The following RFX3 variants were observed in gnomAD, a reference collection of about 807,000 sequenced individuals.
RFX3 encodes the protein regulatory factor X3.
A neutral mutation model predicts 98.6 loss-of-function variants in RFX3; 14 were observed. The ratio of observed to expected loss-of-function variants is 0.14; its 90% CI spans 0.09 to 0.22. The LOEUF (loss-of-function observed/expected upper bound fraction) is 0.22, where lower values mean the gene tolerates loss of function less well. Among genes scored for constraint, RFX3 ranks in the 10% least tolerant of loss-of-function variants. The pLI, the probability that RFX3 is intolerant of heterozygous loss-of-function variation, is 1.00. For synonymous variants in RFX3, 383 were observed against 328.4 expected (o/e 1.17, Z -1.80); for missense variants, 639 against 926.9 (o/e 0.69, Z 4.03).
chr9:3,333,845 A>G (rs1239355464), intron 3 of RFX3, among the ~76,000 whole-genome samples: 4 of 152,182 alleles, frequency 2.6e-5, no homozygotes, highest in Admixed American at 2.6e-4. Context: ...ACATAATAAT[A>G]GCTAAATATA....
chr9:3,366,713 TC>T (rs1837208776), intron 2 of RFX3, among the ~76,000 whole-genome samples: 3 of 138,978 alleles, frequency 2.2e-5, no homozygotes, highest in Admixed American at 1.4e-4. Context: ...TTTCTTTCTT[TC>T]TTTCTTTCTT....
In RFX3 at chr9:3,223,510, G is replaced by C. The variant is rs1472287046; in HGVS notation, c.*1532C>G. ...AATAAGAATGGTCTAAAACATATAT[G>C]ATTTTATGTTAACAAGTTGGTATTA... is the stretch of plus-strand genomic sequence containing the variant. On this transcript the variant is annotated 3_prime_UTR_variant, in exon 17 of 17. Coordinates refer to ENST00000617270, the MANE Select transcript of RFX3 (RefSeq NM_001282116.2). 6.6e-6 allele frequency: 1 copy of C among 152,166 alleles called. No homozygotes were observed. Among genetic ancestry groups the C allele is most frequent in the African/African-American group, 2.4e-5 (1 of 41,436 alleles). The allele number at this position is 152,166 out of a possible 1,614,324, so 9.4% of individuals were successfully genotyped here.
chr9:3,242,263 GA>G (rs1201724786), intron 15 of RFX3, among the ~76,000 whole-genome samples: 2 of 152,154 alleles, frequency 1.3e-5, no homozygotes, highest in East Asian at 1.9e-4. Context: ...AAGACATCTA[GA>G]ATAGGGATTG....
At chr9:3,411,660 T>G (rs534513640) in intron 1 of RFX3, among the ~76,000 whole-genome samples, 107 of 141,304 alleles carry the variant, frequency 7.6e-4, no homozygotes, top group South Asian at 3.7e-3. Context: ...GTGTGTGTGT[T>G]TTTTTTTTTT....
chr9:3,465,950 T>C (rs537739053), intron 1 of RFX3, among the ~76,000 whole-genome samples: 7 of 152,160 alleles, frequency 4.6e-5, no homozygotes, highest in Admixed American at 6.5e-5. Flanking sequence ...GCTGTGACCA[T>C]ATGAACAACA....
intron 2 of RFX3, among the ~76,000 whole-genome samples, chr9:3,390,201 C>T (rs1322487597): frequency 6.6e-6 from 1 of 151,958 alleles, no homozygotes; most frequent in African/African-American, 2.4e-5. Context: ...TTGGGAGCAA[C>T]CCTGTGGTAG....
chr9:3,281,833 CAT>C (rs1034519748), intron 7 of RFX3, among the ~76,000 whole-genome samples: 8 of 151,846 alleles, frequency 5.3e-5, no homozygotes, highest in African/African-American at 1.7e-4. Context: ...ATCCCACACA[CAT>C]GGGTACTAAA....
intron 1 of RFX3, chr9:3,488,742 G>C (rs1010409773): frequency 1.0e-4 from 101 of 979,914 alleles, no homozygotes; most frequent in Non-Finnish European, 1.2e-4. Context: ...AAAATGCATA[G>C]GGGAATTTTT....
intron 9 of RFX3, among the ~76,000 whole-genome samples, chr9:3,273,368 C>T (rs995445491): frequency 1.3e-5 from 2 of 152,142 alleles, no homozygotes; most frequent in Admixed American, 6.5e-5. Context: ...ATTTTCCACA[C>T]AGATTATAAT....
At chr9:3,263,908 C>T (rs1823259118) in intron 12 of RFX3, among the ~76,000 whole-genome samples, 2 of 152,148 alleles carry the variant, frequency 1.3e-5, no homozygotes, top group Admixed American at 1.3e-4. Context: ...TGCTTGCTGC[C>T]TGTTAGAGCG....
chr9:3,479,708 T>C (rs1036313667), intron 1 of RFX3, among the ~76,000 whole-genome samples: 3 of 152,202 alleles, frequency 2.0e-5, no homozygotes, highest in Non-Finnish European at 4.4e-5. Flanking sequence ...CTTGTCTTAC[T>C]TGGCTGACTG....
At chr9:3,251,404 G>A (rs965032644) in intron 14 of RFX3, among the ~76,000 whole-genome samples, 2 of 151,740 alleles carry the variant, frequency 1.3e-5, no homozygotes, top group Non-Finnish European at 2.9e-5. Context: ...CTGGGGTGTG[G>A]TGATGCCATT....
chr9:3,383,581 T>A (rs1308623086), intron 2 of RFX3, among the ~76,000 whole-genome samples: 1 of 151,898 alleles, frequency 6.6e-6, no homozygotes, highest in East Asian at 1.9e-4. Flanking sequence ...GTATATTAGT[T>A]AAAATATTAG....
Position 3,409,393 on chromosome 9 carries a change from T to C in RFX3, c.-8-13797A>G, listed in dbSNP as rs111441640. 3.3e-5 allele frequency among the ~76,000 whole-genome samples: 5 copies of C among 152,368 alleles called. 1 individual carries two copies. The highest frequency in any genetic ancestry group is 1.2e-4 in the African/African-American group (5 of 41,586). ...GTATTTGAAATATCAATGATAAAAT[T>C]GGCATTCAGCTGCGTTAGACTGTTA... On this transcript the variant is annotated intron_variant, in intron 1 of 16. Transcript: ENST00000617270.
chr9:3,463,746 G>A (rs1847932730), intron 1 of RFX3, among the ~76,000 whole-genome samples: 1 of 152,034 alleles, frequency 6.6e-6, no homozygotes, highest in African/African-American at 2.4e-5. Context: ...CATGGCAGGA[G>A]GATCGTTTGA....
At chr9:3,270,151 G>A (rs1563833851) in intron 11 of RFX3, among the ~76,000 whole-genome samples, 1 of 150,670 alleles carries the variant, frequency 6.6e-6, no homozygotes, top group Non-Finnish European at 1.5e-5. Context: ...AAAGGAGAAA[G>A]AAAGAAAAAG....
chr9:3,424,443 G>A (rs1487383377), intron 1 of RFX3, among the ~76,000 whole-genome samples: 3 of 126,200 alleles, frequency 2.4e-5, no homozygotes, highest in Non-Finnish European at 4.7e-5. Flanking sequence ...CTCACTGCAA[G>A]CTCCGCCTCC....
In RFX3 at chr9:3,369,557, T is replaced by C. The variant is rs558518805; in HGVS notation, c.118-22793A>G. ...CTTTCTTACTTCATACCTCCACCCA[T>C]ATGCTATTTTACAAGAATAAAAGTA... On this transcript the variant is annotated intron_variant, in intron 2 of 16. Coordinates refer to ENST00000617270, the MANE Select transcript of RFX3 (RefSeq NM_001282116.2). Among the ~76,000 whole-genome samples the C allele has an allele frequency of 2.0e-4, 30 of 152,320 alleles. No individual in the cohort carries two copies. In the South Asian group the frequency reaches 5.8e-3, roughly 29 times the overall value.
In RFX3 at chr9:3,493,724, T is replaced by C. The variant is rs1444933346; in HGVS notation, c.-9+32023A>G. On this transcript the variant is annotated intron_variant, in intron 1 of 16. Transcript: ENST00000617270. ...AAATATATATATATATATATATATA[T>C]ATACATACATACACACACACACTGG... Among the ~76,000 whole-genome samples the C allele has an allele frequency of 1.2e-3, 167 of 137,654 alleles. 1 individual carries two copies. The highest frequency in any genetic ancestry group is 2.3e-3 in the Non-Finnish European group (148 of 65,060). 90.3% of individuals were successfully genotyped at this position (137,654 alleles called of 152,430 possible).
Sources: gnomAD v4.1 joint callset for allele counts (sites outside exome capture counted in the v4.1 genomes callset) on GRCh38, gnomAD v4.1.1 for gene constraint, MANE v1.5 for transcripts, NCBI Gene and HGNC (gene_info 2026-07-23, HGNC 2026-07-21) for gene names.